The following SETD7 variants were observed in gnomAD, a reference collection of about 807,000 sequenced individuals.
SETD7 encodes SET domain containing 7, histone lysine methyltransferase.
Under a neutral mutation model 41.8 loss-of-function variants are expected in SETD7, and 16 were observed. The observed-to-expected ratio is 0.38, with a 90% CI of 0.26 to 0.58. The LOEUF (loss-of-function observed/expected upper bound fraction) is 0.58, where lower values mean the gene tolerates loss of function less well. Among genes scored for constraint, SETD7 ranks in the 20% least tolerant of loss-of-function variants. The probability of loss-of-function intolerance (pLI) is 0.64; values close to 1 mark genes in which losing one functional copy is unlikely to be tolerated. For missense variants in SETD7, 346 were observed against 459.7 expected, an observed-to-expected ratio of 0.75 and a Z score of 2.26; for synonymous variants, 163 against 169.7, an observed-to-expected ratio of 0.96 and a Z score of 0.31.
chr4:139,545,706 G>T (rs1727921945), intron 2 of SETD7, among the ~76,000 whole-genome samples: 1 of 152,136 alleles, frequency 6.6e-6, no homozygotes, highest in Non-Finnish European at 1.5e-5. Context: ...AACGCACTTT[G>T]CCTGCAGAAA....
intron 2 of SETD7, among the ~76,000 whole-genome samples, chr4:139,543,346 C>T (rs1015244108): frequency 4.6e-5 from 7 of 152,214 alleles, no homozygotes; most frequent in Non-Finnish European, 7.3e-5. Context: ...TTAGAAAACC[C>T]TGGTAGATTC....
At chr4:139,536,367 A>G (rs1050098410) in intron 2 of SETD7, among the ~76,000 whole-genome samples, 8 of 152,154 alleles carry the variant, frequency 5.3e-5, no homozygotes, top group Non-Finnish European at 8.8e-5. Flanking sequence ...AACAAAAATA[A>G]TCATGGACTA....
chr4:139,528,295 C>T (rs1049319193), intron 4 of SETD7, among the ~76,000 whole-genome samples: 10 of 152,210 alleles, frequency 6.6e-5, no homozygotes, highest in Admixed American at 5.9e-4. Context: ...GTGCTCCACG[C>T]AAGATGTTGG....
chr4:139,523,479 A>C (rs991382228), intron 4 of SETD7, 44 bp from the exon 5 acceptor site: 6 of 1,399,384 alleles, frequency 4.3e-6, no homozygotes, highest in African/African-American at 2.8e-5. Flanking sequence ...AGAGTTAGGG[A>C]AGAGCATTTA....
chr4:139,495,323 C>T (rs1726433378), downstream of SETD7, among the ~76,000 whole-genome samples: 1 of 152,184 alleles, frequency 6.6e-6, no homozygotes, highest in South Asian at 2.1e-4. Flanking sequence ...AGGACACATT[C>T]ATTACCTTGG....
exon 8 of SETD7, chr4:139,496,131 T>C: frequency 2.4e-6 from 1 of 422,418 alleles, no homozygotes; most frequent in Admixed American, 4.0e-5. Context: ...TCCTGATTGT[T>C]TTAAAAGATA....
intron 2 of SETD7, among the ~76,000 whole-genome samples, chr4:139,533,908 A>T (rs189032207): frequency 1.3e-5 from 2 of 152,334 alleles, no homozygotes; most frequent in East Asian, 3.9e-4. Flanking sequence ...AGTCAAATGA[A>T]ATCCCTTCCA....
chr4:139,523,291 C>T (rs888586861), intron 5 of SETD7, 63 bp downstream of exon 5: 11 of 1,266,360 alleles, frequency 8.7e-6, no homozygotes, highest in Non-Finnish European at 1.1e-5. Context: ...GCATAAGTTC[C>T]TACCACTAGG....
At chr4:139,534,666 C>T (rs1030325584) in intron 2 of SETD7, among the ~76,000 whole-genome samples, 5 of 152,136 alleles carry the variant, frequency 3.3e-5, no homozygotes, top group African/African-American at 1.2e-4. Context: ...AACTAGTCAA[C>T]ATTTACAGTG....
At chr4:139,541,081 G>A (rs1727765135) in intron 2 of SETD7, among the ~76,000 whole-genome samples, 1 of 152,190 alleles carries the variant, frequency 6.6e-6, no homozygotes, top group South Asian at 2.1e-4. Context: ...GGAGAAAGAA[G>A]CCGTGGAGTA....
intron 3 of SETD7, among the ~76,000 whole-genome samples, chr4:139,529,834 T>TC (rs1727432877): frequency 6.6e-6 from 1 of 152,216 alleles, no homozygotes; most frequent in African/African-American, 2.4e-5. Context: ...TCCTATACCA[T>TC]CACCTTTTTT....
At chr4:139,501,001 A>G (rs1173833393) in intron 7 of SETD7, among the ~76,000 whole-genome samples, 2 of 152,010 alleles carry the variant, frequency 1.3e-5, no homozygotes, top group African/African-American at 4.8e-5. Context: ...TGGAATCTCC[A>G]TAATTTGTTC....
At chr4:139,517,493 A>G (rs1269476105) in intron 7 of SETD7, among the ~76,000 whole-genome samples, 1 of 88,500 alleles carries the variant, frequency 1.1e-5, no homozygotes, top group African/African-American at 3.4e-5. Flanking sequence ...AAAAAAAAAA[A>G]AAAAAAAAAG....
At chr4:139,552,105 G>A (rs945827425) in intron 1 of SETD7, among the ~76,000 whole-genome samples, 17 of 152,058 alleles carry the variant, frequency 1.1e-4, no homozygotes, top group African/African-American at 4.1e-4. Context: ...TGTTGGCAAG[G>A]GTTCATCTAT....
chr4:139,540,497 T>C (rs1727750880), intron 2 of SETD7, among the ~76,000 whole-genome samples: 1 of 152,232 alleles, frequency 6.6e-6, no homozygotes, highest in Admixed American at 6.5e-5. Context: ...AGAATTGAAT[T>C]CGCCTTGGTG....
intron 2 of SETD7, 43 bp from the exon 3 acceptor site, chr4:139,533,409 C>A: frequency 6.6e-7 from 1 of 1,521,738 alleles, no homozygotes; most frequent in Non-Finnish European, 9.0e-7. Context: ...CAGACCATGA[C>A]TTGACTCTCT....
At chr4:139,525,583 A>C (rs1727304601) in intron 4 of SETD7, among the ~76,000 whole-genome samples, 1 of 152,218 alleles carries the variant, frequency 6.6e-6, no homozygotes, top group African/African-American at 2.4e-5. Flanking sequence ...GCAGTGGCAT[A>C]GGTGAGAAAC....
intron 1 of SETD7, among the ~76,000 whole-genome samples, chr4:139,553,418 G>A (rs1265201539): frequency 1.3e-5 from 2 of 152,124 alleles, no homozygotes; most frequent in African/African-American, 4.8e-5. Context: ...ATAAAAAATG[G>A]CACTGACATA....
At chr4:139,524,066 A>G (rs1225776933) in intron 4 of SETD7, among the ~76,000 whole-genome samples, 1 of 152,208 alleles carries the variant, frequency 6.6e-6, no homozygotes, top group Non-Finnish European at 1.5e-5. Flanking sequence ...AGCACTAAAG[A>G]TAGATGCTCT....
Sources: allele counts gnomAD v4.1 joint callset (sites outside exome capture counted in the v4.1 genomes callset), GRCh38; gene constraint gnomAD v4.1.1; transcripts MANE v1.5; gene names NCBI Gene and HGNC (gene_info 2026-07-23, HGNC 2026-07-21).